The following TRABD2B variants were observed in gnomAD, a reference collection of about 807,000 sequenced individuals.
TRABD2B encodes the protein metalloprotease TIKI2.
In TRABD2B, 14 loss-of-function variants were observed where a neutral mutation model predicts 40.1. The observed-to-expected ratio is 0.35, with a 90% confidence interval of 0.23 to 0.55. The LOEUF (loss-of-function observed/expected upper bound fraction) is 0.55, where lower values mean the gene tolerates loss of function less well. Among genes scored for constraint, TRABD2B ranks in the 20% least tolerant of loss-of-function variants. The pLI, the probability that TRABD2B is intolerant of heterozygous loss-of-function variation, is 0.90. For missense variants in TRABD2B, 541 were observed against 648.6 expected, an observed-to-expected ratio of 0.83 and a Z score of 1.80; for synonymous variants, 263 against 277.0, an observed-to-expected ratio of 0.95 and a Z score of 0.50.
chr1:47,820,950 CCT>C (rs1451576149), intron 2 of TRABD2B, among the ~76,000 whole-genome samples: 1 of 152,184 alleles, frequency 6.6e-6, no homozygotes, highest in African/African-American at 2.4e-5. Context: ...GAAGTTCTGA[CCT>C]CAAAGAGTTC....
intron 2 of TRABD2B, among the ~76,000 whole-genome samples, chr1:47,916,727 G>C (rs937138105): frequency 2.0e-5 from 3 of 152,168 alleles, no homozygotes; most frequent in Admixed American, 6.5e-5. Flanking sequence ...GGGTCAGACT[G>C]GGGGGGCTTG....
rs545202338 is a variant in TRABD2B at position 47,936,673 on chromosome 1, T to C, written c.666+57361A>G. Among the ~76,000 whole-genome samples the C allele has an allele frequency of 2.0e-5, 3 of 152,344 alleles. No homozygotes were observed. The East Asian group carries it at 5.8e-4, about 29-fold the overall frequency. ...AAAACCTATTGCACTCTCCTTGTTG[T>C]CAAAGGTATTCTGTTTCCTCCGCTT... On this transcript the variant is annotated intron_variant, in intron 2 of 6. Transcript: ENST00000606738.
intron 2 of TRABD2B, among the ~76,000 whole-genome samples, chr1:47,962,484 G>A (rs1301778848): frequency 6.6e-6 from 1 of 152,156 alleles, no homozygotes; most frequent in Non-Finnish European, 1.5e-5. Flanking sequence ...AAACTGAGGT[G>A]TCCTACAGTT....
At chr1:47,829,860 G>C (rs7525144) in intron 2 of TRABD2B, among the ~76,000 whole-genome samples, 105,134 of 152,116 alleles carry the variant, frequency 0.69, 36,699 homozygotes, top group South Asian at 0.84. Flanking sequence ...ACTGGGGCCA[G>C]TGGCCCCCAT....
At chr1:47,885,845 T>C (rs1484925756) in intron 2 of TRABD2B, among the ~76,000 whole-genome samples, 1 of 152,224 alleles carries the variant, frequency 6.6e-6, no homozygotes, top group African/African-American at 2.4e-5. Flanking sequence ...TAATGAATTA[T>C]TATGTCCACA....
At position 47,844,603 on chromosome 1, in the gene TRABD2B, C is replaced by T. The variant is rs529792743; in HGVS notation, c.667-42984G>A. Among the ~76,000 whole-genome samples the T allele has an allele frequency of 4.6e-5, 7 of 152,288 alleles. No homozygotes were observed. In the East Asian group the frequency reaches 9.7e-4, roughly 21 times the overall value. On this transcript the variant is annotated intron_variant, in intron 2 of 6. Transcript: ENST00000606738. ...CTGGCAAACCCAAGAGATGGGCAGA[C>T]GCTCTGCTCCAAGGGTAAGGCAGAA...
intron 2 of TRABD2B, among the ~76,000 whole-genome samples, chr1:47,856,740 C>G (rs1330821643): frequency 6.6e-6 from 1 of 152,226 alleles, no homozygotes. Context: ...TTGCTCACCA[C>G]CTATGCTAAA....
chr1:47,983,748 C>CA (rs780071376), intron 2 of TRABD2B, among the ~76,000 whole-genome samples: 1 of 50,282 alleles, frequency 2.0e-5, no homozygotes, highest in African/African-American at 9.7e-5. Flanking sequence ...ACCACACTGG[C>CA]AAAAAAAGAA....
intron 2 of TRABD2B, among the ~76,000 whole-genome samples, chr1:47,993,160 C>A (rs1315053230): frequency 1.3e-5 from 2 of 152,136 alleles, no homozygotes; most frequent in African/African-American, 2.4e-5. Flanking sequence ...CATCTTGGGG[C>A]CTCCTTGAAG....
chr1:47,943,324 G>A (rs1482922728), intron 2 of TRABD2B, among the ~76,000 whole-genome samples: 1 of 152,200 alleles, frequency 6.6e-6, no homozygotes, highest in Admixed American at 6.5e-5. Flanking sequence ...TTAATATCAA[G>A]TTATAAAGTG....
rs61783237 is a variant in TRABD2B at position 47,766,318 on chromosome 1, T to C, written c.1350-212A>G. Among the ~76,000 whole-genome samples the C allele has an allele frequency of 5.9e-3, 896 of 152,232 alleles. 4 individuals are homozygous for C. The highest frequency in any genetic ancestry group is 0.014 in the Middle Eastern group (4 of 294). On this transcript the variant is annotated intron_variant, in intron 6 of 6. Coordinates refer to ENST00000606738, the MANE Select transcript of TRABD2B (RefSeq NM_001194986.2). The stretch of plus-strand genomic sequence containing the variant: ...CACACGGACCCCCTTTGCCGGGCTC[T>C]GGGGGATGGGCCAGGCCCTGGCAGC...
chr1:47,837,207 C>A (rs1282675934), intron 2 of TRABD2B, among the ~76,000 whole-genome samples: 1 of 152,198 alleles, frequency 6.6e-6, no homozygotes, highest in African/African-American at 2.4e-5. Flanking sequence ...CCCTGCTGGG[C>A]TCTGGGAGTC....
intron 3 of TRABD2B, among the ~76,000 whole-genome samples, chr1:47,794,968 T>G (rs958609535): frequency 3.9e-5 from 6 of 152,090 alleles, no homozygotes; most frequent in African/African-American, 1.2e-4. Flanking sequence ...TGAATCCCAC[T>G]ATGTTGCCCT....
chr1:47,863,482 T>A (rs896319561), intron 2 of TRABD2B, among the ~76,000 whole-genome samples: 2 of 149,074 alleles, frequency 1.3e-5, no homozygotes, highest in African/African-American at 4.9e-5. Context: ...AATGTACAGA[T>A]GACAAGTAAG....
chr1:47,844,823 T>TA (rs1365571239), intron 2 of TRABD2B, among the ~76,000 whole-genome samples: 2 of 152,152 alleles, frequency 1.3e-5, no homozygotes, highest in African/African-American at 4.8e-5. Flanking sequence ...AACTGGATAT[T>TA]AACAGAAGCT....
chr1:47,809,510 C>A (rs1644934736), intron 2 of TRABD2B, among the ~76,000 whole-genome samples: 1 of 152,356 alleles, frequency 6.6e-6, no homozygotes, highest in Non-Finnish European at 1.5e-5. Context: ...GGGCCCAAAT[C>A]ATCTCTCAGC....
intron 2 of TRABD2B, among the ~76,000 whole-genome samples, chr1:47,831,551 A>C (rs1645249899): frequency 1.3e-5 from 2 of 152,126 alleles, no homozygotes; most frequent in South Asian, 4.1e-4. Context: ...AGGTGCCAAG[A>C]ATGGCAGCTC....
At chr1:47,951,150 G>A (rs564586933) in intron 2 of TRABD2B, among the ~76,000 whole-genome samples, 95 of 152,278 alleles carry the variant, frequency 6.2e-4, no homozygotes, top group African/African-American at 2.1e-3. Flanking sequence ...CCTCCCCAGC[G>A]CCAAGCCAAG....
At chr1:47,962,920 A>T (rs908833789) in intron 2 of TRABD2B, among the ~76,000 whole-genome samples, 31 of 152,220 alleles carry the variant, frequency 2.0e-4, no homozygotes, top group African/African-American at 7.0e-4. Flanking sequence ...CTACTCCCAC[A>T]TAACAAAGAT....
Sources: allele counts gnomAD v4.1 joint callset (sites outside exome capture counted in the v4.1 genomes callset), GRCh38; gene constraint gnomAD v4.1.1; transcripts MANE v1.5; gene names NCBI Gene and HGNC (gene_info 2026-07-23, HGNC 2026-07-21).